Variants in ITGB3BP observed in about 807,000 individuals in gnomAD.
ITGB3BP encodes integrin subunit beta 3 binding protein, also known as centromere protein R.
A neutral mutation model predicts 29.1 loss-of-function variants in ITGB3BP; 27 were observed. The observed-to-expected ratio is 0.93, with a 90% CI of 0.68 to 1.28. The LOEUF (loss-of-function observed/expected upper bound fraction) is 1.28. ITGB3BP is among the 50% of genes most tolerant of loss of function. ITGB3BP has a pLI of 0.00. For missense variants in ITGB3BP, 192 were observed against 200.2 expected (o/e 0.96, Z 0.25); for synonymous variants, 61 against 61.4 (o/e 0.99, Z 0.03).
rs1467332819 is a variant in ITGB3BP at position 63,514,726 on chromosome 1, C to T, written c.6-6156G>A. 5.9e-5 allele frequency among the ~76,000 whole-genome samples: 9 copies of T among 152,046 alleles called. No individual in the cohort carries two copies. In the East Asian group the frequency reaches 1.6e-3, roughly 26 times the overall value. ...ACTTTGGGAGGCCAAGGTGGGCAGACCACAAGGTCAAGAGACTGAGACCAT... is the reference window on the plus strand; with the variant it reads ...ACTTTGGGAGGCCAAGGTGGGCAGATCACAAGGTCAAGAGACTGAGACCAT... On this transcript the variant is annotated intron_variant, in intron 1 of 8. Transcript: ENST00000271002.
At chr1:63,464,511 G>A (rs1243704726) in intron 4 of ITGB3BP, among the ~76,000 whole-genome samples, 6 of 152,098 alleles carry the variant, frequency 3.9e-5, no homozygotes, top group African/African-American at 9.7e-5. Flanking sequence ...ATTTTTAAAT[G>A]GCCAACCAGC....
intron 7 of ITGB3BP, among the ~76,000 whole-genome samples, chr1:63,453,411 G>T (rs1281544274): frequency 6.6e-6 from 1 of 152,130 alleles, no homozygotes; most frequent in Non-Finnish European, 1.5e-5. Flanking sequence ...AGGTGTGAAG[G>T]TGTGAATGTG....
rs529437837 is a variant in ITGB3BP at position 63,510,983 on chromosome 1, A to G, written c.6-2413T>C. On this transcript the variant is annotated intron_variant, in intron 1 of 8. Coordinates refer to ENST00000271002, the MANE Select transcript of ITGB3BP (RefSeq NM_014288.5). ...GATTAGATATATGGGATATTTTCCT[A>G]AAATATTTACTCTTTTGTTACCAGT... Among the ~76,000 whole-genome samples, 136 of 152,312 alleles carry G rather than the reference A, an allele frequency of 8.9e-4. 1 individual carries two copies. Among genetic ancestry groups the G allele is most frequent in the Non-Finnish European group, 1.1e-3 (76 of 68,004 alleles).
chr1:63,455,707 T>C (rs758131426), intron 4 of ITGB3BP, among the ~76,000 whole-genome samples: 7 of 152,182 alleles, frequency 4.6e-5, no homozygotes, highest in Non-Finnish European at 1.0e-4. Flanking sequence ...AAAAATGATT[T>C]AAACATTCCC....
chr1:63,493,290 C>T (rs2100693688), intron 2 of ITGB3BP, among the ~76,000 whole-genome samples: 1 of 152,106 alleles, frequency 6.6e-6, no homozygotes, highest in Admixed American at 6.5e-5. Context: ...GGTGGCGCGC[C>T]TGTTGTCCTA....
intron 4 of ITGB3BP, among the ~76,000 whole-genome samples, chr1:63,473,266 C>G (rs1341541565): frequency 5.3e-5 from 8 of 151,228 alleles, no homozygotes; most frequent in African/African-American, 1.9e-4. Flanking sequence ...AAGTGAGGAG[C>G]CCCTCTGTCC....
chr1:63,496,862 G>C (rs1042165502), intron 2 of ITGB3BP, among the ~76,000 whole-genome samples: 1 of 152,216 alleles, frequency 6.6e-6, no homozygotes, highest in African/African-American at 2.4e-5. Flanking sequence ...TGAAAGGTTA[G>C]AGCCTGGGCC....
intron 3 of ITGB3BP, among the ~76,000 whole-genome samples, chr1:63,483,697 T>A (rs1309915576): frequency 2.0e-5 from 3 of 152,194 alleles, no homozygotes; most frequent in Non-Finnish European, 4.4e-5. Flanking sequence ...ATGAGCAGTA[T>A]AACAACATTT....
intron 3 of ITGB3BP, among the ~76,000 whole-genome samples, chr1:63,485,826 T>C (rs1056403033): frequency 2.0e-5 from 3 of 152,080 alleles, no homozygotes; most frequent in African/African-American, 7.2e-5. Context: ...TTGTAGGTAC[T>C]ATCTTTTCTC....
At chr1:63,500,932 G>A (rs930055356) in intron 2 of ITGB3BP, among the ~76,000 whole-genome samples, 3 of 152,264 alleles carry the variant, frequency 2.0e-5, no homozygotes, top group East Asian at 3.9e-4. Context: ...AATGAAGACC[G>A]CATGGTAGTG....
chr1:63,514,626 T>A lies in ITGB3BP; in HGVS notation c.6-6056A>T, dbSNP rs1052713888. Among the ~76,000 whole-genome samples the A allele has an allele frequency of 3.9e-5, 6 of 152,290 alleles. 1 individual carries two copies. In the South Asian group the frequency reaches 1.2e-3, roughly 32 times the overall value. ...CTTTGTCTGATATATATCTGTTACATACTTTCTCCCAGTCAGTTGTTTGAA... is the reference window on the plus strand; with the variant it reads ...CTTTGTCTGATATATATCTGTTACAAACTTTCTCCCAGTCAGTTGTTTGAA... On this transcript the variant is annotated intron_variant, in intron 1 of 8. Transcript: ENST00000271002.
chr1:63,503,861 A>C (rs1174138072), intron 2 of ITGB3BP, among the ~76,000 whole-genome samples: 2 of 151,980 alleles, frequency 1.3e-5, no homozygotes, highest in East Asian at 1.9e-4. Context: ...TGTTCTGTTC[A>C]ATTGGTCTAT....
rs529592479 is a variant in ITGB3BP at position 63,499,222 on chromosome 1, C to T, written c.49-9004G>A. 2.7e-5 allele frequency among the ~76,000 whole-genome samples: 4 copies of T among 146,816 alleles called. No individual in the cohort carries two copies. The East Asian group carries it at 6.1e-4, about 22-fold the overall frequency. On this transcript the variant is annotated intron_variant, in intron 2 of 8. Coordinates refer to ENST00000271002, the MANE Select transcript of ITGB3BP (RefSeq NM_014288.5). ...TGTTGCCCAGGCTGGAGGGCAATGGCGCGATCTCGGCTCACCGCAACCTCC... is the reference window on the plus strand; with the variant it reads ...TGTTGCCCAGGCTGGAGGGCAATGGTGCGATCTCGGCTCACCGCAACCTCC...
intron 4 of ITGB3BP, among the ~76,000 whole-genome samples, chr1:63,473,345 G>A (rs1645246660): frequency 1.3e-5 from 2 of 149,444 alleles, no homozygotes; most frequent in African/African-American, 4.9e-5. Context: ...GAGGGAGGTG[G>A]CGGGGGGTCA....
upstream of ITGB3BP, among the ~76,000 whole-genome samples, chr1:63,524,825 C>T (rs755242904): frequency 3.3e-5 from 5 of 152,102 alleles, no homozygotes; most frequent in Non-Finnish European, 5.9e-5. Context: ...AATACCTGAC[C>T]GCTGTAATAG....
intron 1 of ITGB3BP, 168 bp downstream of exon 1, chr1:63,522,961 G>A: frequency 3.7e-6 from 3 of 813,262 alleles, no homozygotes; most frequent in South Asian, 2.7e-5. Context: ...TACCGCTGGA[G>A]GAGACGTAGA....
At chr1:63,520,392 G>A (rs1164211635) in intron 1 of ITGB3BP, among the ~76,000 whole-genome samples, 2 of 152,110 alleles carry the variant, frequency 1.3e-5, no homozygotes, top group Non-Finnish European at 2.9e-5. Flanking sequence ...AACCTAGATA[G>A]AGAAATGACT....
chr1:63,510,723 T>G (rs1412689158), intron 1 of ITGB3BP, among the ~76,000 whole-genome samples: 1 of 152,116 alleles, frequency 6.6e-6, no homozygotes, highest in Non-Finnish European at 1.5e-5. Flanking sequence ...AACTCAGATC[T>G]CAGGCCCTGT....
intron 4 of ITGB3BP, among the ~76,000 whole-genome samples, chr1:63,477,142 CA>C (rs908374852): frequency 6.6e-6 from 1 of 152,062 alleles, no homozygotes; most frequent in African/African-American, 2.4e-5. Context: ...GAGGAGATGC[CA>C]AACAATGAGG....
Sources: gnomAD v4.1 joint callset for allele counts (sites outside exome capture counted in the v4.1 genomes callset) on GRCh38, gnomAD v4.1.1 for gene constraint, MANE v1.5 for transcripts, NCBI Gene and HGNC (gene_info 2026-07-23, HGNC 2026-07-21) for gene names.